MIA2: variants seen among roughly 807,000 people sequenced by gnomAD.
MIA2 encodes the protein MIA SH3 domain ER export factor 2, also known as melanoma inhibitory activity protein 2.
MIA2 carries 127 observed loss-of-function variants against 167.8 expected under a neutral mutation model. The ratio of observed to expected loss-of-function variants is 0.76; its 90% CI spans 0.66 to 0.88. MIA2 has a LOEUF of 0.88. Among genes scored for constraint, MIA2 ranks in the 40% least tolerant of loss-of-function variants. The pLI is 0.00. For synonymous variants in MIA2, 552 were observed against 541.9 expected, an observed-to-expected ratio of 1.02 and a Z score of -0.26; for missense variants, 1,690 against 1,624.7, an observed-to-expected ratio of 1.04 and a Z score of -0.69.
At chr14:39,261,259 G>A (rs1398214645) in intron 6 of MIA2, among the ~76,000 whole-genome samples, 15 of 151,946 alleles carry the variant, frequency 9.9e-5, no homozygotes, top group African/African-American at 2.9e-4. Flanking sequence ...TTGTTCTTGC[G>A]ATAGTTTGCT....
chr14:39,248,613 A>G (rs192637073), intron 4 of MIA2, among the ~76,000 whole-genome samples: 112 of 152,234 alleles, frequency 7.4e-4, no homozygotes, highest in Middle Eastern at 3.4e-3. Context: ...ATCCTATTTT[A>G]GATAATGTCT....
chr14:39,327,034 C>A lies in MIA2; in HGVS notation c.3655+12C>A, dbSNP rs768894839. On this transcript the variant is annotated intron_variant, in intron 25 of 28. Coordinates refer to ENST00000640607, the MANE Select transcript of MIA2 (RefSeq NM_001329214.4). ...GTTTCCTCCGCCAGGTATGTAAAGA[C>A]AATAGTTATTATTTCTCTTTGAAAG... The A allele has an allele frequency of 6.8e-7, 1 of 1,464,498 alleles. No individual in the cohort carries two copies. The highest frequency in any genetic ancestry group is 9.0e-7 in the Non-Finnish European group (1 of 1,109,124). The allele number at this position is 1,464,498 out of a possible 1,614,324, so 90.7% of individuals were successfully genotyped here.
intron 17 of MIA2, among the ~76,000 whole-genome samples, chr14:39,305,213 T>C (rs766798513): frequency 6.6e-6 from 1 of 152,198 alleles, no homozygotes; most frequent in Admixed American, 6.5e-5. Flanking sequence ...ATTATAGTAA[T>C]TGGATTATTT....
At chr14:39,363,022 A>G (rs1567051214) in intron 23 of MIA2, among the ~76,000 whole-genome samples, 1 of 152,048 alleles carries the variant, frequency 6.6e-6, no homozygotes, top group Non-Finnish European at 1.5e-5. Context: ...ATGTATTTGT[A>G]TAGTTTCCAA....
intron 6 of MIA2, chr14:39,267,573 C>T: frequency 6.2e-7 from 1 of 1,602,268 alleles, no homozygotes; most frequent in African/African-American, 1.3e-5. Flanking sequence ...GCGGGAGCCG[C>T]CGGGGGAAGG....
rs10700134 is a variant in MIA2, at chr14:39,267,980, AT to A, written c.1888-8940del. On this transcript the variant is annotated intron_variant, in intron 6 of 28. Transcript: ENST00000640607. ...CGGGGAGTTGAAATTTTGATTCTGC[AT>A]TTTTTTTTTTTTTGGTAAAGAATGA... Among the ~76,000 whole-genome samples the A allele has an allele frequency of 4.1e-4, 60 of 144,882 alleles. 1 individual carries two copies. The highest frequency in any genetic ancestry group is 6.8e-4 in the Admixed American group (10 of 14,622).
At chr14:39,246,116 A>G (rs1227687906) in intron 3 of MIA2, among the ~76,000 whole-genome samples, 1 of 31,262 alleles carries the variant, frequency 3.2e-5, no homozygotes. Context: ...ATTTATTTTG[A>G]GACAGAGTCT....
At chr14:39,360,455 T>G (rs77978455) in intron 23 of MIA2, among the ~76,000 whole-genome samples, 25 of 143,628 alleles carry the variant, frequency 1.7e-4, no homozygotes, top group African/African-American at 5.4e-4. Context: ...TGTTTTAATG[T>G]TTTTTTTTTT....
intron 23 of MIA2, among the ~76,000 whole-genome samples, chr14:39,363,532 TA>T (rs2074744546): frequency 6.6e-6 from 1 of 152,010 alleles, no homozygotes; most frequent in Non-Finnish European, 1.5e-5. Context: ...CTGTCTCAAA[TA>T]AAAAAAATCT....
chr14:39,294,985 G>T lies in MIA2; in HGVS notation c.2452G>T (p.Asp818Tyr). The change falls in exon 13 of 29, where the codon GAT becomes TAT. Residue 818 changes from aspartate (D) to tyrosine (Y), a missense_variant. Coordinates refer to ENST00000640607, the MANE Select transcript of MIA2 (RefSeq NM_001329214.4). ...AGAACGACTGAAGATAGCAATAAAAGATGCTTTGAATGAAAATTCTCAACT... is the reference window on the plus strand; with the variant it reads ...AGAACGACTGAAGATAGCAATAAAATATGCTTTGAATGAAAATTCTCAACT... ...NEERLKIAIK[D>Y]ALNENSQLQE... The T allele has an allele frequency of 6.2e-7, 1 of 1,613,904 alleles. No individual in the cohort carries two copies. The highest frequency in any genetic ancestry group is 1.3e-5 in the African/African-American group (1 of 75,034).
chr14:39,369,671 C>T (rs2074895778), intron 23 of MIA2, among the ~76,000 whole-genome samples: 1 of 152,108 alleles, frequency 6.6e-6, no homozygotes, highest in South Asian at 2.1e-4. Flanking sequence ...TCAGTCAGCT[C>T]TTTGTGTTTT....
intron 9 of MIA2, among the ~76,000 whole-genome samples, chr14:39,281,996 G>A (rs933077663): frequency 1.3e-5 from 2 of 151,920 alleles, no homozygotes; most frequent in Non-Finnish European, 2.9e-5. Context: ...CGACAAATAT[G>A]CTTTCTTATT....
At chr14:39,375,103 G>A (rs2075021015) in intron 23 of MIA2, among the ~76,000 whole-genome samples, 1 of 136,558 alleles carries the variant, frequency 7.3e-6, no homozygotes, top group Admixed American at 7.2e-5. Flanking sequence ...TCTTCCTGCT[G>A]CTTGTTAGTA....
intron 19 of MIA2, among the ~76,000 whole-genome samples, chr14:39,314,074 C>T (rs1234525403): frequency 6.6e-6 from 1 of 152,100 alleles, no homozygotes; most frequent in Non-Finnish European, 1.5e-5. Flanking sequence ...TTGCTAATTT[C>T]CTAGAATTCT....
intron 22 of MIA2, 50 bp from the exon 23 acceptor site, chr14:39,319,156 TGTG>T (rs1258653061): frequency 4.9e-6 from 5 of 1,026,192 alleles, no homozygotes; most frequent in East Asian, 2.4e-5. Context: ...CATTTTTTCT[TGTG>T]GTGCTTCTCT....
intron 6 of MIA2, among the ~76,000 whole-genome samples, chr14:39,254,042 A>G (rs1292739004): frequency 6.6e-6 from 1 of 152,236 alleles, no homozygotes; most frequent in Non-Finnish European, 1.5e-5. Flanking sequence ...ATATAGTGCT[A>G]TAATAGTCAC....
At chr14:39,355,231 A>G (rs565741011), downstream of MIA2, among the ~76,000 whole-genome samples, 2 of 152,086 alleles carry the variant, frequency 1.3e-5, no homozygotes, top group African/African-American at 4.8e-5. Context: ...CTTTTATTTC[A>G]TTGAGCAGTG....
At chr14:39,264,281 A>C (rs897157212) in intron 6 of MIA2, among the ~76,000 whole-genome samples, 2 of 152,106 alleles carry the variant, frequency 1.3e-5, no homozygotes, top group African/African-American at 4.8e-5. Context: ...ATGTGACTTC[A>C]TTTTTTATGG....
intron 25 of MIA2, among the ~76,000 whole-genome samples, chr14:39,329,560 G>A (rs1473965918): frequency 6.6e-6 from 1 of 151,960 alleles, no homozygotes; most frequent in Non-Finnish European, 1.5e-5. Context: ...AATTCTTCCA[G>A]CTTTTGCCCA....
Sources: allele counts gnomAD v4.1 joint callset (sites outside exome capture counted in the v4.1 genomes callset), GRCh38; gene constraint gnomAD v4.1.1; transcripts MANE v1.5; gene names NCBI Gene and HGNC (gene_info 2026-07-23, HGNC 2026-07-21).